Variants in CSRNP1 observed in about 807,000 individuals in gnomAD.
The protein encoded by CSRNP1 is cysteine and serine rich nuclear protein 1.
A neutral mutation model predicts 25.0 loss-of-function variants in CSRNP1; 8 were observed. That is an observed-to-expected ratio of 0.32 (90% CI 0.19 to 0.58). The LOEUF is 0.58. Ranked by LOEUF, CSRNP1 falls within the 20% of genes least tolerant of loss-of-function variation. CSRNP1 has a pLI of 0.88. For synonymous variants in CSRNP1, 305 were observed against 303.1 expected (o/e 1.01, Z -0.06); for missense variants, 691 against 773.1 (o/e 0.89, Z 1.26).
chr3:39,151,178 G>A (rs958363099), intron 1 of CSRNP1: 1 of 152,124 alleles, frequency 6.6e-6, no homozygotes. Context: ...CCCTCCCTAG[G>A]GTCCTGGAGG....
chr3:39,144,946 G>C (rs2039483713), intron 3 of CSRNP1, 51 bp downstream of exon 3: 1 of 1,542,792 alleles, frequency 6.5e-7, no homozygotes, highest in Non-Finnish European at 8.8e-7. Context: ...CTCAAGGTTA[G>C]GACTCCAGGA....
In CSRNP1 at chr3:39,143,914, T is replaced by C; in HGVS notation, c.911A>G (p.Gln304Arg). 6.2e-7 allele frequency: 1 copy of C among 1,614,206 alleles called. No homozygotes were observed. The highest frequency in any genetic ancestry group is 8.5e-7 in the Non-Finnish European group (1 of 1,180,028). ...IHTLTRLQLE[Q>R]EAESFRELEA... ...CAGCTCCCTAAAGCTCTCAGCCTCCTGTTCCAACTGCAGGCGGGTGAGTGT... is the reference window on the plus strand; with the variant it reads ...CAGCTCCCTAAAGCTCTCAGCCTCCCGTTCCAACTGCAGGCGGGTGAGTGT... The change falls in exon 5 of 5, where the codon CAG becomes CGG. Residue 304 changes from glutamine (Q) to arginine (R), a missense_variant. Transcript: ENST00000273153.
upstream of CSRNP1, chr3:39,154,261 T>TC (rs2039628202): frequency 6.6e-6 from 1 of 152,168 alleles, no homozygotes; most frequent in South Asian, 2.1e-4. Flanking sequence ...TAGGGGTTCT[T>TC]AGAACTAGCT....
In CSRNP1 at chr3:39,142,883, A is replaced by C. The variant is rs1326097246; in HGVS notation, c.*172T>G. On this transcript the variant is annotated 3_prime_UTR_variant, in exon 5 of 5. Transcript: ENST00000273153. ...CCCCCAGTCCTCTCTTCAGCACAGA[A>C]AAGTTAAAACAAATAAATAAATCCA... The C allele has an allele frequency of 1.3e-6, 1 of 787,286 alleles. No individual in the cohort carries two copies. Among genetic ancestry groups the C allele is most frequent in the South Asian group, 2.2e-5 (1 of 45,048 alleles). The allele number at this position is 787,286 out of a possible 1,614,324, so 48.8% of individuals were successfully genotyped here.
At chr3:39,147,229 GTGTGTGTA>G (rs1214641470) in intron 1 of CSRNP1, among the ~76,000 whole-genome samples, 20 of 150,430 alleles carry the variant, frequency 1.3e-4, no homozygotes, top group South Asian at 1.0e-3. Context: ...GTGTGTGTGT[GTGTGTGTA>G]TGTGTGTGTG....
In CSRNP1 at chr3:39,145,574, AT is replaced by A. The variant is rs57581601; in HGVS notation, c.206-319del. 6.5e-3 allele frequency among the ~76,000 whole-genome samples: 992 copies of A among 152,148 alleles called. 10 individuals carry two copies. Among genetic ancestry groups the A allele is most frequent in the African/African-American group, 0.022 (925 of 41,504 alleles). ...TACAGTTTTCTATTGTTTTTTATTGATTTGTAGGATTTCTGTGTTTTGCAAC... is the reference window on the plus strand; with the variant it reads ...TACAGTTTTCTATTGTTTTTTATTGATTGTAGGATTTCTGTGTTTTGCAAC... On this transcript the variant is annotated intron_variant, in intron 2 of 4. Transcript: ENST00000273153.
intron 3 of CSRNP1, 96 bp from the exon 4 acceptor site, chr3:39,144,547 C>A (rs784518): frequency 5.7e-6 from 7 of 1,219,398 alleles, no homozygotes; most frequent in South Asian, 4.5e-5. Flanking sequence ...TGCTTACCCC[C>A]CCACTACTCG....
Position 39,141,965 on chromosome 3 carries a change from T to C in CSRNP1, c.*1090A>G, listed in dbSNP as rs976635666. 1.3e-5 allele frequency: 2 copies of C among 152,696 alleles called. No individual in the cohort carries two copies. Among genetic ancestry groups the C allele is most frequent in the African/African-American group, 4.8e-5 (2 of 41,458 alleles). The allele number at this position is 152,696 out of a possible 1,614,324, so 9.5% of individuals were successfully genotyped here. ...AAGGGGCAGGCCCAGAGCCTGCGTT[T>C]CTTGGCACAGACACAGAGAGAAATG... On this transcript the variant is annotated 3_prime_UTR_variant, in exon 5 of 5. Transcript: ENST00000273153.
chr3:39,144,224 G>T lies in CSRNP1; in HGVS notation c.693C>A (p.Arg231=), dbSNP rs774706181. 1 of 1,614,132 alleles carries T rather than the reference G, an allele frequency of 6.2e-7. No individual in the cohort carries two copies. Among genetic ancestry groups the T allele is most frequent in the Non-Finnish European group, 8.5e-7 (1 of 1,180,004 alleles). The change falls in exon 4 of 5, where the codon CGC becomes CGA. Residue 231 remains arginine, a synonymous_variant. Coordinates refer to ENST00000273153, the MANE Select transcript of CSRNP1 (RefSeq NM_033027.4). ...GACAGCCACAATCCTCCCGGGATTG[G>T]CGCAGTGCCTGCAGCTCCCGCTTCT... ...REEKRELQAL[R]QSREDCGCHC... is the part of the protein sequence containing the mutation.
rs781003783 is a variant in CSRNP1, at chr3:39,143,221, G to A, written c.1604C>T (p.Pro535Leu). ...AGACAGGCCAGGCAGGGGGAAGTGA[G>A]GTGCCTCGATGTTGTCCAGGCTGTC... is the stretch of plus-strand genomic sequence containing the variant. ...VSDSLDNIEAPHFPLPGLSPP... is the reference protein window; with the variant it reads ...VSDSLDNIEALHFPLPGLSPP... Residue 535 changes from proline (P) to leucine (L), a missense_variant, in exon 5 of 5, where the codon CCT becomes CTT. By Grantham distance (98) the Pro-to-Leu change is moderately conservative. Coordinates refer to ENST00000273153, the MANE Select transcript of CSRNP1 (RefSeq NM_033027.4). 1.9e-6 allele frequency: 3 copies of A among 1,614,092 alleles called. No homozygotes were observed. Among genetic ancestry groups the A allele is most frequent in the African/African-American group, 2.7e-5 (2 of 74,924 alleles).
Position 39,143,585 on chromosome 3 carries a change from C to A in CSRNP1, c.1240G>T (p.Val414Leu), listed in dbSNP as rs564965786. The change falls in exon 5 of 5, where the codon GTG becomes TTG. Residue 414 changes from valine (V) to leucine (L), a missense_variant. Physicochemically the swap from Val to Leu is conservative, Grantham distance 32. Coordinates refer to ENST00000273153, the MANE Select transcript of CSRNP1 (RefSeq NM_033027.4). ...GEEEEEEEGS[V>L]GNLDNLSCFH... ...CAGCTGAGGTTGTCCAGGTTCCCCA[C>A]GCTCCCTTCCTCCTCTTCCTCCTCC... The A allele has an allele frequency of 1.2e-6, 2 of 1,614,178 alleles. No homozygotes were observed. The highest frequency in any genetic ancestry group is 1.7e-6 in the Non-Finnish European group (2 of 1,180,026).
rs765751680 is a variant in CSRNP1, at chr3:39,143,196, A to C, written c.1629T>G (p.Ser543=). 1 of 1,614,210 alleles carries C rather than the reference A, an allele frequency of 6.2e-7. No homozygotes were observed. The change falls in exon 5 of 5, where the codon TCT becomes TCG. Residue 543 remains serine (S), a synonymous_variant. Transcript: ENST00000273153. ...EAPHFPLPGL[S]PPGDASSCFL... ...AGCAACTGCTGGCATCCCCAGGTGG[A>C]GACAGGCCAGGCAGGGGGAAGTGAG...
intron 3 of CSRNP1, 52 bp downstream of exon 3, chr3:39,144,945 A>G (rs1162389705): frequency 1.3e-6 from 2 of 1,543,984 alleles, no homozygotes; most frequent in East Asian, 4.5e-5. Context: ...CCTCAAGGTT[A>G]GGACTCCAGG....
rs185332498 is a variant in CSRNP1, at chr3:39,142,224, C to G, written c.*831G>C. ...TTGCCCTCTCTGGGCTTCCTGTTTCCTCCTTCCCCCTCCTACATCCCTGGG... is the reference window on the plus strand; with the variant it reads ...TTGCCCTCTCTGGGCTTCCTGTTTCGTCCTTCCCCCTCCTACATCCCTGGG... On this transcript the variant is annotated 3_prime_UTR_variant, in exon 5 of 5. Transcript: ENST00000273153. 1 of 152,336 alleles carries G rather than the reference C, an allele frequency of 6.6e-6. No homozygotes were observed. Among genetic ancestry groups the G allele is most frequent in the Admixed American group, 6.5e-5 (1 of 15,290 alleles). 9.4% of individuals were successfully genotyped at this position (152,336 alleles called of 1,614,324 possible). A position where few individuals can be genotyped will look rare whatever the true frequency, so the allele number is the denominator to read the frequency against.
At position 39,144,541 on chromosome 3, in the gene CSRNP1, T is replaced by C. The variant is rs1179805462; in HGVS notation, c.466-90A>G. 3 of 1,288,708 alleles carry C rather than the reference T, an allele frequency of 2.3e-6. No individual in the cohort carries two copies. In the South Asian group the frequency reaches 4.4e-5, roughly 19 times the overall value. The allele number at this position is 1,288,708 out of a possible 1,614,324, so 79.8% of individuals were successfully genotyped here. The stretch of plus-strand genomic sequence containing the variant: ...ACTAGACAAACCCTCCCCAAGTGCT[T>C]ACCCCCCCACTACTCGTGCTTAATC... On this transcript the variant is annotated intron_variant, in intron 3 of 4. Transcript: ENST00000273153.
chr3:39,147,581 A>G (rs2039533086), intron 1 of CSRNP1, among the ~76,000 whole-genome samples: 1 of 151,810 alleles, frequency 6.6e-6, no homozygotes, highest in African/African-American at 2.4e-5. Flanking sequence ...ATCTCATTTG[A>G]TCCTAATGTC....
rs913212988 is a variant in CSRNP1 at position 39,143,276 on chromosome 3, C to G, written c.1549G>C (p.Gly517Arg). 4 of 1,614,046 alleles carry G rather than the reference C, an allele frequency of 2.5e-6. No homozygotes were observed. The highest frequency in any genetic ancestry group is 3.3e-5 in the Admixed American group (2 of 60,004). The change falls in exon 5 of 5, where the codon GGG (glycine) becomes CGG (arginine). Residue 517 changes from glycine to arginine, a missense_variant. Physicochemically the swap from Gly to Arg is moderately radical, Grantham distance 125 (BLOSUM62 -2). Coordinates refer to ENST00000273153, the MANE Select transcript of CSRNP1 (RefSeq NM_033027.4). ...ACCTTCTGTGATGTGTAGTGAGGCCCCAGACTATAATCTGGCAGAGCCTGG... is the reference window on the plus strand; with the variant it reads ...ACCTTCTGTGATGTGTAGTGAGGCCGCAGACTATAATCTGGCAGAGCCTGG... ...LLQALPDYSL[G>R]PHYTSQKVSD... is the part of the protein sequence containing the mutation.
chr3:39,153,643 C>G (rs998238591), upstream of CSRNP1: 2 of 151,794 alleles, frequency 1.3e-5, no homozygotes, highest in Non-Finnish European at 2.9e-5. Context: ...GTGGAAAACT[C>G]CGGGGCTCAC....
chr3:39,143,705 G>A lies in CSRNP1; in HGVS notation c.1120C>T (p.His374Tyr), dbSNP rs751541215. Residue 374 changes from histidine to tyrosine, a missense_variant, in exon 5 of 5, where the codon CAC becomes TAC. Transcript: ENST00000273153. ...GTSEAPDCPT[H>Y]PGLPGPGFQP... The stretch of plus-strand genomic sequence containing the variant: ...AAGCCAGGGCCAGGCAGGCCTGGGT[G>A]GGTGGGGCAGTCAGGAGCCTCACTA... The A allele has an allele frequency of 6.2e-7, 1 of 1,614,246 alleles. No homozygotes were observed. Among genetic ancestry groups the A allele is most frequent in the South Asian group, 1.1e-5 (1 of 91,088 alleles).
Sources: gnomAD v4.1 joint callset for allele counts (sites outside exome capture counted in the v4.1 genomes callset) on GRCh38, gnomAD v4.1.1 for gene constraint, MANE v1.5 for transcripts, NCBI Gene and HGNC (gene_info 2026-07-23, HGNC 2026-07-21) for gene names.